Variants in MEP1A observed in about 807,000 individuals in gnomAD.
The protein encoded by MEP1A is N-benzoyl-L-tyrosyl-P-amino-benzoic acid hydrolase subunit alpha.
Under a neutral mutation model 84.5 loss-of-function variants are expected in MEP1A, and 68 were observed. That is an observed-to-expected ratio of 0.80 (90% confidence interval 0.66 to 0.98). The LOEUF is 0.98. Among genes scored for constraint, MEP1A ranks in the 50% least tolerant of loss-of-function variants. The probability of loss-of-function intolerance (pLI) is 0.00; values close to 1 mark genes in which losing one functional copy is unlikely to be tolerated. For missense variants in MEP1A, 887 were observed against 919.9 expected (o/e 0.96, Z 0.46); for synonymous variants, 337 against 336.8 (o/e 1.00, Z -0.01).
chr6:46,836,468 A>G (rs560346874), intron 13 of MEP1A, among the ~76,000 whole-genome samples: 10 of 152,318 alleles, frequency 6.6e-5, no homozygotes, highest in African/African-American at 2.4e-4. Context: ...AGACTTACAG[A>G]TACAATGCAA....
At chr6:46,801,986 A>G (rs553254497) in intron 5 of MEP1A, among the ~76,000 whole-genome samples, 1 of 152,028 alleles carries the variant, frequency 6.6e-6, no homozygotes, top group African/African-American at 2.4e-5. Flanking sequence ...AAAAATCACT[A>G]TGTTGATTAC....
At chr6:46,806,553 A>G (rs1767322531) in intron 5 of MEP1A, among the ~76,000 whole-genome samples, 1 of 152,036 alleles carries the variant, frequency 6.6e-6, no homozygotes, top group African/African-American at 2.4e-5. Context: ...CCTCCACTGC[A>G]GTGGGCAGCA....
intron 5 of MEP1A, among the ~76,000 whole-genome samples, chr6:46,805,830 G>T (rs898005728): frequency 6.6e-6 from 1 of 151,800 alleles, no homozygotes; most frequent in South Asian, 2.1e-4. Context: ...TCTGAAAAAC[G>T]TTAGGCCATT....
chr6:46,798,617 G>A lies in MEP1A; in HGVS notation c.157G>A (p.Asp53Asn). The A allele has an allele frequency of 1.9e-6, 3 of 1,613,778 alleles. No homozygotes were observed. Among genetic ancestry groups the A allele is most frequent in the Non-Finnish European group, 2.5e-6 (3 of 1,179,910 alleles). Reference sequence around the variant, plus strand: ...AATTCCACTTCCAGCTGCAGGCTTGGACCTCTTTCAAGGGGACATCCTCTT... The same window carrying A: ...AATTCCACTTCCAGCTGCAGGCTTGAACCTCTTTCAAGGGGACATCCTCTT... ...ISEINLAAGL[D>N]LFQGDILLQK... Residue 53 changes from aspartate to asparagine, a missense_variant, in exon 4 of 14, where the codon GAC becomes AAC. Coordinates refer to ENST00000230588, the MANE Select transcript of MEP1A (RefSeq NM_005588.3).
At position 46,827,295 on chromosome 6, in the gene MEP1A, T is replaced by C. The variant is rs927751134; in HGVS notation, c.928+792T>C. Among the ~76,000 whole-genome samples, 4 of 152,196 alleles carry C rather than the reference T, an allele frequency of 2.6e-5. No individual in the cohort carries two copies. The South Asian group carries it at 8.3e-4, about 32-fold the overall frequency. ...CAAGCCTCTGTAAACATCAAGATAT[T>C]GATGTCTACTTCACAATGACAATGG... is the stretch of plus-strand genomic sequence containing the variant. On this transcript the variant is annotated intron_variant, in intron 9 of 13. Transcript: ENST00000230588.
intron 6 of MEP1A, among the ~76,000 whole-genome samples, chr6:46,815,927 CATTTATTT>C (rs537040638): frequency 2.0e-5 from 3 of 152,062 alleles, no homozygotes; most frequent in Non-Finnish European, 2.9e-5. Flanking sequence ...GGAGCTTATT[CATTTATTT>C]ATTTATTTAT....
chr6:46,798,566 C>T, intron 3 of MEP1A, 40 bp from the exon 4 acceptor site: 3 of 1,513,216 alleles, frequency 2.0e-6, no homozygotes, highest in Non-Finnish European at 2.8e-6. Flanking sequence ...TAATAATGTT[C>T]ACTCAAATAT....
At position 46,800,159 on chromosome 6, in the gene MEP1A, G is replaced by C. The variant is rs557978209; in HGVS notation, c.262+978G>C. Among the ~76,000 whole-genome samples, 13 of 152,294 alleles carry C rather than the reference G, an allele frequency of 8.5e-5. No homozygotes were observed. The East Asian group carries it at 1.3e-3, about 16-fold the overall frequency. Reference sequence around the variant, plus strand: ...GGAACATCAATACTTAATGGAACATGATTTAAGAAACACCAACTTTAAAAG... The same window carrying C: ...GGAACATCAATACTTAATGGAACATCATTTAAGAAACACCAACTTTAAAAG... On this transcript the variant is annotated intron_variant, in intron 5 of 13. Coordinates refer to ENST00000230588, the MANE Select transcript of MEP1A (RefSeq NM_005588.3).
chr6:46,826,134 G>C (rs970459101), intron 8 of MEP1A, among the ~76,000 whole-genome samples: 4 of 151,934 alleles, frequency 2.6e-5, no homozygotes, highest in Non-Finnish European at 4.4e-5. Flanking sequence ...AATGATTATA[G>C]TTTTTTTTAT....
At chr6:46,827,088 A>C (rs987671748) in intron 9 of MEP1A, among the ~76,000 whole-genome samples, 2 of 152,228 alleles carry the variant, frequency 1.3e-5, no homozygotes, top group Non-Finnish European at 2.9e-5. Context: ...CCACAATTCA[A>C]GCACTCAATA....
At chr6:46,845,596 A>T in the MEP1A span, among the ~76,000 whole-genome samples, 1 of 152,220 alleles carries the variant, frequency 6.6e-6, no homozygotes, top group African/African-American at 2.4e-5. Flanking sequence ...CCACATACAC[A>T]TGAACATTTG....
chr6:46,814,345 C>G (rs1425368075), intron 6 of MEP1A, among the ~76,000 whole-genome samples: 1 of 152,086 alleles, frequency 6.6e-6, no homozygotes, highest in Non-Finnish European at 1.5e-5. Context: ...ATTGCTGAGA[C>G]TTTCCAGTGC....
At chr6:46,808,342 G>C (rs1362414226) in intron 5 of MEP1A, among the ~76,000 whole-genome samples, 1 of 151,924 alleles carries the variant, frequency 6.6e-6, no homozygotes, top group African/African-American at 2.4e-5. Flanking sequence ...TAATGATCTT[G>C]ATATGACATT....
chr6:46,818,671 T>C lies in MEP1A; in HGVS notation c.381-858T>C, dbSNP rs779680850. On this transcript the variant is annotated intron_variant, in intron 6 of 13. Coordinates refer to ENST00000230588, the MANE Select transcript of MEP1A (RefSeq NM_005588.3). Reference sequence around the variant, plus strand: ...GACGCTACAGGTCCTCCTTGCCTGATACCCTTCAGAAATAAGTTAGGCAGC... The same window carrying C: ...GACGCTACAGGTCCTCCTTGCCTGACACCCTTCAGAAATAAGTTAGGCAGC... Among the ~76,000 whole-genome samples, 79 of 152,300 alleles carry C rather than the reference T, an allele frequency of 5.2e-4. 1 individual carries two copies. The highest frequency in any genetic ancestry group is 1.0e-3 in the Non-Finnish European group (69 of 68,020).
chr6:46,809,709 T>G (rs1374587587), intron 6 of MEP1A, among the ~76,000 whole-genome samples, 172 bp downstream of exon 6: 1 of 152,080 alleles, frequency 6.6e-6, no homozygotes, highest in Non-Finnish European at 1.5e-5. Context: ...ATTCCTGAGT[T>G]ACTTCACTTA....
intron 3 of MEP1A, among the ~76,000 whole-genome samples, chr6:46,797,836 TTCTCTCTC>T (rs1303923775): frequency 2.2e-5 from 3 of 138,648 alleles, no homozygotes; most frequent in African/African-American, 5.6e-5. Flanking sequence ...CTTTCTTTCT[TTCTCTCTC>T]TCTTTCTTTC....
At position 46,839,017 on chromosome 6, in the gene MEP1A, C is replaced by T. The variant is rs565677690; in HGVS notation, c.2122C>T (p.Arg708Cys). 41 of 1,613,664 alleles carry T rather than the reference C, an allele frequency of 2.5e-5. No individual in the cohort carries two copies. Among genetic ancestry groups the T allele is most frequent in the African/African-American group, 8.0e-5 (6 of 75,036 alleles). Residue 708 changes from arginine to cysteine, a missense_variant, in exon 14 of 14, where the codon CGC becomes TGC. Coordinates refer to ENST00000230588, the MANE Select transcript of MEP1A (RefSeq NM_005588.3). ...ACATGCTTTCTTCTACACGGGGGAGCGCTGTCAGGCCGTGCAGGTGCACGG... is the reference window on the plus strand; with the variant it reads ...ACATGCTTTCTTCTACACGGGGGAGTGCTGTCAGGCCGTGCAGGTGCACGG... The part of the protein sequence containing the change: ...SGHAFFYTGE[R>C]CQAVQVHGSV...
At chr6:46,796,368 GC>G (rs1435351801) in intron 3 of MEP1A, among the ~76,000 whole-genome samples, 3 of 151,966 alleles carry the variant, frequency 2.0e-5, no homozygotes, top group African/African-American at 7.3e-5. Context: ...TCATATTTCT[GC>G]TAAAATGCCA....
chr6:46,838,957 C>T (rs564638106), intron 13 of MEP1A, 23 bp from the exon 14 acceptor site: 2 of 1,598,094 alleles, frequency 1.3e-6, no homozygotes, highest in African/African-American at 2.7e-5. Flanking sequence ...TTCCCACACT[C>T]CCTTCATGTC....
Sources: allele counts gnomAD v4.1 joint callset (sites outside exome capture counted in the v4.1 genomes callset), GRCh38; gene constraint gnomAD v4.1.1; transcripts MANE v1.5; gene names NCBI Gene and HGNC (gene_info 2026-07-23, HGNC 2026-07-21).